The following NCOA7 variants were observed in gnomAD, a reference collection of about 807,000 sequenced individuals.
NCOA7 encodes the protein 140 kDa estrogen receptor-associated protein.
NCOA7 carries 45 observed loss-of-function variants against 104.3 expected under a neutral mutation model. The observed-to-expected ratio is 0.43, with a 90% confidence interval of 0.34 to 0.55. The LOEUF (loss-of-function observed/expected upper bound fraction) is 0.55. Ranked by LOEUF, NCOA7 falls within the 20% of genes least tolerant of loss-of-function variation. The pLI is 0.02. For synonymous variants in NCOA7, 398 were observed against 402.3 expected (o/e 0.99, Z 0.13); for missense variants, 1,041 against 1,119.7 (o/e 0.93, Z 1.00).
At chr6:125,875,209 G>T in intron 4 of NCOA7, 1 of 404,890 alleles carries the variant, frequency 2.5e-6, no homozygotes, top group Non-Finnish European at 4.6e-6. Context: ...TCACCCTGTT[G>T]ACCACCAGCA....
chr6:125,818,291 C>A (rs958655205), intron 2 of NCOA7, among the ~76,000 whole-genome samples: 3 of 152,056 alleles, frequency 2.0e-5, no homozygotes, highest in African/African-American at 7.2e-5. Context: ...CAGGGGAGCC[C>A]CTGAAACTGA....
At chr6:125,900,628 A>C (rs1562161098) in intron 10 of NCOA7, among the ~76,000 whole-genome samples, 1 of 152,230 alleles carries the variant, frequency 6.6e-6, no homozygotes, top group Non-Finnish European at 1.5e-5. Flanking sequence ...ATTACCACAC[A>C]GTTAGTTGCC....
chr6:125,899,923 G>A (rs940847958), intron 10 of NCOA7: 8 of 522,354 alleles, frequency 1.5e-5, no homozygotes, highest in South Asian at 8.5e-5. Flanking sequence ...TTCTGGTGGC[G>A]GAGCAAGCTT....
chr6:125,835,595 G>C (rs1482860344), intron 2 of NCOA7, among the ~76,000 whole-genome samples: 1 of 152,196 alleles, frequency 6.6e-6, no homozygotes, highest in African/African-American at 2.4e-5. Context: ...TGCAACAGCA[G>C]GCAAAGCAAA....
intron 1 of NCOA7, among the ~76,000 whole-genome samples, chr6:125,785,604 A>T (rs540686188): frequency 1.1e-4 from 17 of 152,120 alleles, no homozygotes; most frequent in Non-Finnish European, 2.2e-4. Context: ...TTTTTTAGGG[A>T]TTCATTTCAA....
intron 13 of NCOA7, among the ~76,000 whole-genome samples, chr6:125,924,593 G>C (rs1787862699): frequency 6.6e-6 from 1 of 152,200 alleles, no homozygotes; most frequent in African/African-American, 2.4e-5. Flanking sequence ...TGCAGAATCA[G>C]TCCCCAGTGA....
intron 1 of NCOA7, among the ~76,000 whole-genome samples, chr6:125,812,164 TC>T (rs1223525792): frequency 6.6e-6 from 1 of 152,194 alleles, no homozygotes; most frequent in Non-Finnish European, 1.5e-5. Context: ...TAGTTCCCTT[TC>T]CGTACCTGGT....
intron 2 of NCOA7, among the ~76,000 whole-genome samples, chr6:125,834,801 A>C (rs929179132): frequency 1.3e-5 from 2 of 152,224 alleles, no homozygotes; most frequent in Non-Finnish European, 2.9e-5. Flanking sequence ...GTTGATTTTT[A>C]AAGGCAAAAA....
At chr6:125,825,214 C>T (rs1304197137) in intron 2 of NCOA7, among the ~76,000 whole-genome samples, 1 of 150,466 alleles carries the variant, frequency 6.6e-6, no homozygotes, top group East Asian at 1.9e-4. Context: ...ACAGCACATG[C>T]CTGTAACCCT....
intron 7 of NCOA7, among the ~76,000 whole-genome samples, chr6:125,883,828 C>T (rs1389468540): frequency 6.6e-6 from 1 of 151,530 alleles, no homozygotes; most frequent in African/African-American, 2.4e-5. Flanking sequence ...CAAGCGATTC[C>T]CCTGTCTCAG....
intron 2 of NCOA7, among the ~76,000 whole-genome samples, chr6:125,834,262 T>G (rs1026062785): frequency 1.3e-5 from 2 of 152,314 alleles, no homozygotes; most frequent in African/African-American, 4.8e-5. Flanking sequence ...GACTTTAAAA[T>G]GTAAATAATA....
intron 10 of NCOA7, among the ~76,000 whole-genome samples, chr6:125,906,035 T>C (rs1785966228): frequency 6.6e-6 from 1 of 152,134 alleles, no homozygotes; most frequent in Non-Finnish European, 1.5e-5. Flanking sequence ...ACTCCTGGCC[T>C]CAAGCAGTCC....
At chr6:125,816,576 T>C (rs992761036) in intron 2 of NCOA7, among the ~76,000 whole-genome samples, 1 of 152,120 alleles carries the variant, frequency 6.6e-6, no homozygotes, top group African/African-American at 2.4e-5. Context: ...GTAACCAGAT[T>C]AGGGAAGGAA....
chr6:125,811,867 T>C (rs1406536460), intron 1 of NCOA7, among the ~76,000 whole-genome samples: 3 of 152,186 alleles, frequency 2.0e-5, no homozygotes, highest in Admixed American at 6.5e-5. Context: ...GCGAATTCTG[T>C]GCTGCAGCAT....
rs1788315213 is a variant in NCOA7, at chr6:125,929,285, A to T, written c.*514A>T. 1 of 150,970 alleles carries T rather than the reference A, an allele frequency of 6.6e-6. No homozygotes were observed. The highest frequency in any genetic ancestry group is 2.0e-4 in the East Asian group (1 of 5,120). 9.4% of individuals were successfully genotyped at this position (150,970 alleles called of 1,614,324 possible). A position where few individuals can be genotyped will look rare whatever the true frequency, so the allele number is the denominator to read the frequency against. ...AACTTTTATTTATTATTTGTAGTAT[A>T]TTGTCTGAAATGTGTCGGCAGTTTT... On this transcript the variant is annotated 3_prime_UTR_variant, in exon 16 of 16. Transcript: ENST00000392477.
intron 4 of NCOA7, among the ~76,000 whole-genome samples, chr6:125,878,057 G>A (rs1026506624): frequency 5.3e-5 from 8 of 152,142 alleles, no homozygotes; most frequent in Non-Finnish European, 8.8e-5. Flanking sequence ...ATTTGAAAAT[G>A]AGGAAGCCCA....
intron 2 of NCOA7, among the ~76,000 whole-genome samples, chr6:125,836,649 A>G (rs888665813): frequency 1.3e-5 from 2 of 152,204 alleles, no homozygotes; most frequent in Non-Finnish European, 2.9e-5. Flanking sequence ...AATTTGGATG[A>G]CTATTATTCC....
chr6:125,820,549 G>A (rs1315302266), intron 2 of NCOA7, among the ~76,000 whole-genome samples: 1 of 152,214 alleles, frequency 6.6e-6, no homozygotes, highest in Admixed American at 6.5e-5. Flanking sequence ...TCTCTGTTGT[G>A]TGAATAGTAC....
rs1255068478 is a variant in NCOA7 at position 125,864,040 on chromosome 6, G to A, written c.271+8800G>A. Among the ~76,000 whole-genome samples the A allele has an allele frequency of 8.0e-5, 11 of 136,904 alleles. 2 individuals are homozygous for A. Among genetic ancestry groups the A allele is most frequent in the East Asian group, 2.1e-4 (1 of 4,714 alleles). The allele number at this position is 136,904 out of a possible 152,430, so 89.8% of individuals were successfully genotyped here. ...TTTTTTTGGGGGGGGCAGTTTGGCT[G>A]TTTTTATCAAGACCCTTTTTGCATA... On this transcript the variant is annotated intron_variant, in intron 3 of 15. Transcript: ENST00000392477.
Sources: allele counts gnomAD v4.1 joint callset (sites outside exome capture counted in the v4.1 genomes callset), GRCh38; gene constraint gnomAD v4.1.1; transcripts MANE v1.5; gene names NCBI Gene and HGNC (gene_info 2026-07-23, HGNC 2026-07-21).